Variants in ZEB1 observed in about 807,000 individuals in gnomAD.
The protein encoded by ZEB1 is zinc finger E-box binding homeobox 1, also known as zinc finger E-box-binding homeobox 1.
A neutral mutation model predicts 84.9 loss-of-function variants in ZEB1; 21 were observed. That is an observed-to-expected ratio of 0.25 (90% CI 0.18 to 0.36). The LOEUF (loss-of-function observed/expected upper bound fraction) is 0.36. Among genes scored for constraint, ZEB1 ranks in the 10% least tolerant of loss-of-function variants. The probability of loss-of-function intolerance (pLI) is 1.00; values close to 1 mark genes in which losing one functional copy is unlikely to be tolerated. For synonymous variants in ZEB1, 420 were observed against 471.1 expected, an observed-to-expected ratio of 0.89 and a Z score of 1.41; for missense variants, 1,104 against 1,330.2, an observed-to-expected ratio of 0.83 and a Z score of 2.65.
intron 2 of ZEB1, among the ~76,000 whole-genome samples, chr10:31,461,569 C>G (rs1172421895): frequency 1.3e-5 from 2 of 152,030 alleles, no homozygotes; most frequent in African/African-American, 4.8e-5. Context: ...CAATAAATAT[C>G]ATATAGATAT....
intron 1 of ZEB1, among the ~76,000 whole-genome samples, chr10:31,456,505 A>C (rs2061258172): frequency 6.6e-6 from 1 of 152,188 alleles, no homozygotes; most frequent in Non-Finnish European, 1.5e-5. Context: ...AAATATCTGC[A>C]GTGGTAAATT....
chr10:31,506,967 C>G (rs913992450), intron 4 of ZEB1, among the ~76,000 whole-genome samples: 37 of 152,058 alleles, frequency 2.4e-4, no homozygotes, highest in Non-Finnish European at 3.4e-4. Context: ...AGATATCTTC[C>G]TGTCACTTCC....
At chr10:31,362,773 C>T (rs1472038776) in intron 1 of ZEB1, 2 of 658,900 alleles carry the variant, frequency 3.0e-6, no homozygotes, top group Admixed American at 4.3e-5. Context: ...CCTGATCCGC[C>T]CGCCTGGGCC....
At chr10:31,333,269 A>G (rs1435313488) in intron 1 of ZEB1, among the ~76,000 whole-genome samples, 4 of 152,154 alleles carry the variant, frequency 2.6e-5, no homozygotes, top group African/African-American at 9.7e-5. Context: ...GGGAATTGCT[A>G]TATATCTTTA....
chr10:31,512,102 A>G (rs2070171225), intron 5 of ZEB1, among the ~76,000 whole-genome samples: 2 of 152,152 alleles, frequency 1.3e-5, no homozygotes, highest in South Asian at 4.1e-4. Flanking sequence ...GTCTTATCAG[A>G]GAGACCAGCA....
intron 4 of ZEB1, among the ~76,000 whole-genome samples, chr10:31,509,250 C>A (rs1050655870): frequency 1.3e-5 from 2 of 152,164 alleles, no homozygotes; most frequent in African/African-American, 4.8e-5. Context: ...GTGGTCTCCA[C>A]ATACCTCCCT....
At position 31,343,306 on chromosome 10, in the gene ZEB1, A is replaced by C. The variant is rs565732917; in HGVS notation, c.58+24014A>C. On this transcript the variant is annotated intron_variant, in intron 1 of 8. Coordinates refer to ENST00000424869, the MANE Select transcript of ZEB1 (RefSeq NM_001174096.2). Reference sequence around the variant, plus strand: ...CCTGTTTCATTTTTAGAGATGATTCAATCTGATATTTCATTTGCTTTTAAA... The same window carrying C: ...CCTGTTTCATTTTTAGAGATGATTCCATCTGATATTTCATTTGCTTTTAAA... 7.9e-5 allele frequency among the ~76,000 whole-genome samples: 12 copies of C among 152,200 alleles called. No homozygotes were observed. The South Asian group carries it at 2.1e-3, about 26-fold the overall frequency.
chr10:31,401,983 G>GAA (rs941361360), intron 1 of ZEB1, among the ~76,000 whole-genome samples: 1 of 147,226 alleles, frequency 6.8e-6, no homozygotes. Flanking sequence ...AACAGAAGAA[G>GAA]AAAAAAAAAA....
intron 2 of ZEB1, among the ~76,000 whole-genome samples, chr10:31,475,573 C>T (rs1024561162): frequency 5.9e-5 from 9 of 152,112 alleles, no homozygotes; most frequent in Non-Finnish European, 1.2e-4. Context: ...ATGAAGGAAG[C>T]TCATCAACCT....
intron 2 of ZEB1, among the ~76,000 whole-genome samples, chr10:31,482,994 G>A (rs1025581400): frequency 3.9e-5 from 6 of 151,924 alleles, no homozygotes; most frequent in Non-Finnish European, 5.9e-5. Flanking sequence ...GCTTACTTCC[G>A]CACATTTCAG....
At chr10:31,451,810 G>A (rs1398697252) in intron 1 of ZEB1, among the ~76,000 whole-genome samples, 3 of 152,244 alleles carry the variant, frequency 2.0e-5, no homozygotes, top group Admixed American at 6.5e-5. Flanking sequence ...CTTGTTGGGG[G>A]CAGATAGATA....
chr10:31,430,951 A>T (rs1465538976), intron 1 of ZEB1, among the ~76,000 whole-genome samples: 1 of 152,208 alleles, frequency 6.6e-6, no homozygotes, highest in Non-Finnish European at 1.5e-5. Context: ...TACAGTATAC[A>T]GTCTTTTTGC....
At chr10:31,511,840 CAG>C (rs1020471659) in intron 5 of ZEB1, among the ~76,000 whole-genome samples, 2 of 152,068 alleles carry the variant, frequency 1.3e-5, no homozygotes, top group African/African-American at 4.8e-5. Flanking sequence ...AGAATTGTAA[CAG>C]AAAAAGAATG....
intron 1 of ZEB1, among the ~76,000 whole-genome samples, chr10:31,419,197 G>C (rs951604011): frequency 6.6e-6 from 1 of 152,130 alleles, no homozygotes; most frequent in Non-Finnish European, 1.5e-5. Flanking sequence ...ATGACATTTA[G>C]ATAGAAACTT....
chr10:31,443,230 G>GT (rs2059259914), intron 1 of ZEB1, among the ~76,000 whole-genome samples: 2 of 152,266 alleles, frequency 1.3e-5, no homozygotes, highest in South Asian at 2.1e-4. Context: ...TCTTATGAGT[G>GT]TTTAAGAATT....
At chr10:31,496,019 T>TA in intron 3 of ZEB1, among the ~76,000 whole-genome samples, 181 bp downstream of exon 3, 1 of 152,084 alleles carries the variant, frequency 6.6e-6, no homozygotes, top group East Asian at 1.9e-4. Context: ...ATTCCTTAAA[T>TA]ACAGAGTAAC....
At chr10:31,446,788 C>T (rs1358076712) in intron 1 of ZEB1, among the ~76,000 whole-genome samples, 2 of 150,752 alleles carry the variant, frequency 1.3e-5, no homozygotes, top group African/African-American at 2.4e-5. Context: ...TAGTTTGTTA[C>T]AATTTCTGTT....
At chr10:31,482,341 G>T (rs958830708) in intron 2 of ZEB1, among the ~76,000 whole-genome samples, 1 of 151,924 alleles carries the variant, frequency 6.6e-6, no homozygotes, top group Non-Finnish European at 1.5e-5. Context: ...CAATGTCAAG[G>T]TCATAAAATA....
At chr10:31,511,332 T>C (rs2069968600) in intron 5 of ZEB1, among the ~76,000 whole-genome samples, 1 of 152,146 alleles carries the variant, frequency 6.6e-6, no homozygotes. Flanking sequence ...GCTACGTGGT[T>C]TTTTTCCCCC....
Sources: allele counts gnomAD v4.1 joint callset (sites outside exome capture counted in the v4.1 genomes callset), GRCh38; gene constraint gnomAD v4.1.1; transcripts MANE v1.5; gene names NCBI Gene and HGNC (gene_info 2026-07-23, HGNC 2026-07-21).